Variants in TESC observed in about 807,000 individuals in gnomAD.
The protein encoded by TESC is tescalcin.
A neutral mutation model predicts 31.0 loss-of-function variants in TESC; 19 were observed. That is an observed-to-expected ratio of 0.61 (90% CI 0.43 to 0.90). The LOEUF is 0.90. Among genes scored for constraint, TESC ranks in the 40% least tolerant of loss-of-function variants. The probability of loss-of-function intolerance (pLI) is 0.00; values close to 1 mark genes in which losing one functional copy is unlikely to be tolerated. For missense variants in TESC, 248 were observed against 303.8 expected, an observed-to-expected ratio of 0.82 and a Z score of 1.36; for synonymous variants, 109 against 114.8, an observed-to-expected ratio of 0.95 and a Z score of 0.32.
At chr12:117,056,177 T>TC in intron 3 of TESC, among the ~76,000 whole-genome samples, 1 of 152,172 alleles carries the variant, frequency 6.6e-6, no homozygotes, top group South Asian at 2.1e-4. Context: ...CATTTCAGCC[T>TC]CCCAAAAGTG....
intron 1 of TESC, among the ~76,000 whole-genome samples, chr12:117,082,849 T>C (rs1443841411): frequency 1.3e-5 from 2 of 152,238 alleles, no homozygotes; most frequent in African/African-American, 4.8e-5. Flanking sequence ...CCTTAACTTT[T>C]CTGCAATTTA....
At chr12:117,075,950 CATATATATATATATATGTATGT>C in intron 1 of TESC, among the ~76,000 whole-genome samples, 1 of 47,626 alleles carries the variant, frequency 2.1e-5, no homozygotes, top group Non-Finnish European at 3.9e-5. Flanking sequence ...TGTATATATA[CATATATATATATATATGTATGT>C]ATATATATAT....
chr12:117,075,714 T>G (rs1305484116), intron 1 of TESC, among the ~76,000 whole-genome samples: 1 of 150,802 alleles, frequency 6.6e-6, no homozygotes, highest in African/African-American at 2.4e-5. Flanking sequence ...TGGAGTACAC[T>G]GGCACGACCT....
chr12:117,043,479 CAG>C (rs1954514393), intron 6 of TESC, among the ~76,000 whole-genome samples: 2 of 142,466 alleles, frequency 1.4e-5, no homozygotes, highest in East Asian at 2.1e-4. Context: ...GTTTTTGAGA[CAG>C]AGTCTCGCTC....
At chr12:117,046,936 C>G in intron 4 of TESC, 98 bp from the exon 5 acceptor site, 1 of 1,327,388 alleles carries the variant, frequency 7.5e-7, no homozygotes, top group Non-Finnish European at 1.0e-6. Context: ...CACCAATAAC[C>G]AAACCTCAAT....
At chr12:117,080,393 G>A (rs568353941) in intron 1 of TESC, among the ~76,000 whole-genome samples, 172 of 152,236 alleles carry the variant, frequency 1.1e-3, no homozygotes, top group African/African-American at 3.9e-3. Context: ...ACTTGAACCC[G>A]GGAGGCAGAG....
intron 7 of TESC, 37 bp from the exon 8 acceptor site, chr12:117,039,247 G>A (rs749918797): frequency 2.8e-5 from 44 of 1,587,576 alleles, no homozygotes; most frequent in Middle Eastern, 1.7e-4. Context: ...GCACGTTCCC[G>A]CCGCCACCTC....
intron 2 of TESC, among the ~76,000 whole-genome samples, chr12:117,061,406 CT>C (rs761312909): frequency 3.9e-5 from 6 of 152,008 alleles, no homozygotes; most frequent in Non-Finnish European, 8.8e-5. Flanking sequence ...TGTCCAGACC[CT>C]GGAAGGAGAG....
chr12:117,069,396 G>A (rs927431575), intron 2 of TESC, among the ~76,000 whole-genome samples: 3 of 152,124 alleles, frequency 2.0e-5, no homozygotes, highest in South Asian at 2.1e-4. Flanking sequence ...ACACCACCAC[G>A]CCCAACTGAT....
intron 1 of TESC, among the ~76,000 whole-genome samples, chr12:117,089,634 G>C (rs891199191): frequency 6.6e-6 from 1 of 152,132 alleles, no homozygotes; most frequent in African/African-American, 2.4e-5. Flanking sequence ...AAATTTAATA[G>C]GTTAAGGCAG....
chr12:117,052,747 G>GC (rs543193223), intron 3 of TESC, among the ~76,000 whole-genome samples: 299 of 151,968 alleles, frequency 2.0e-3, no homozygotes, highest in African/African-American at 6.8e-3. Context: ...TCTCCTGGAT[G>GC]CCCCCCCACA....
chr12:117,068,999 G>A (rs1455393608), intron 2 of TESC, among the ~76,000 whole-genome samples: 1 of 152,188 alleles, frequency 6.6e-6, no homozygotes, highest in Non-Finnish European at 1.5e-5. Flanking sequence ...TTTACCTGTG[G>A]AGGTCGCCTC....
At chr12:117,069,427 C>T (rs962989630) in intron 2 of TESC, among the ~76,000 whole-genome samples, 3 of 152,072 alleles carry the variant, frequency 2.0e-5, no homozygotes, top group East Asian at 1.9e-4. Flanking sequence ...TCAGTAGAGA[C>T]GAGGTTTCAC....
At chr12:117,063,532 T>C (rs953404332) in intron 2 of TESC, among the ~76,000 whole-genome samples, 1 of 152,078 alleles carries the variant, frequency 6.6e-6, no homozygotes, top group African/African-American at 2.4e-5. Context: ...AAGTTCTCTC[T>C]AGGGGTACTG....
chr12:117,088,053 A>G (rs924765322), intron 1 of TESC, among the ~76,000 whole-genome samples: 1 of 152,196 alleles, frequency 6.6e-6, no homozygotes, highest in African/African-American at 2.4e-5. Flanking sequence ...TGAAGGTCAC[A>G]CAGCTAGGAG....
intron 7 of TESC, among the ~76,000 whole-genome samples, chr12:117,040,359 G>C (rs190372010): frequency 6.6e-6 from 1 of 152,188 alleles, no homozygotes; most frequent in Non-Finnish European, 1.5e-5. Flanking sequence ...GCATTGGAAG[G>C]AATCAGGGAA....
At chr12:117,044,797 T>G (rs1245873028) in intron 6 of TESC, among the ~76,000 whole-genome samples, 1 of 152,042 alleles carries the variant, frequency 6.6e-6, no homozygotes, top group Non-Finnish European at 1.5e-5. Flanking sequence ...CTCGGGAGGC[T>G]GAGGCAGGAG....
chr12:117,094,844 T>C (rs1955368772), intron 1 of TESC, among the ~76,000 whole-genome samples: 3 of 151,726 alleles, frequency 2.0e-5, no homozygotes, highest in African/African-American at 7.3e-5. Flanking sequence ...GGTGAAACCC[T>C]GTCTCTACTA....
At chr12:117,065,047 G>T (rs1026466889) in intron 2 of TESC, among the ~76,000 whole-genome samples, 1 of 152,254 alleles carries the variant, frequency 6.6e-6, no homozygotes, top group Non-Finnish European at 1.5e-5. Flanking sequence ...TTGGAGATGG[G>T]TGTGGCAGGG....
Sources: allele counts gnomAD v4.1 joint callset (sites outside exome capture counted in the v4.1 genomes callset), GRCh38; gene constraint gnomAD v4.1.1; transcripts MANE v1.5; gene names NCBI Gene and HGNC (gene_info 2026-07-23, HGNC 2026-07-21).